Variants in BAIAP2L1 observed in about 807,000 individuals in gnomAD.
The protein encoded by BAIAP2L1 is BAR/IMD domain containing adaptor protein 2 like 1.
In BAIAP2L1, 35 loss-of-function variants were observed where a neutral mutation model predicts 66.3. The observed-to-expected ratio is 0.53, with a 90% CI of 0.40 to 0.70. The LOEUF is 0.70. Ranked by LOEUF, BAIAP2L1 falls within the 30% of genes least tolerant of loss-of-function variation. The pLI, the probability that BAIAP2L1 is intolerant of heterozygous loss-of-function variation, is 0.00. For synonymous variants in BAIAP2L1, 269 were observed against 248.7 expected, an observed-to-expected ratio of 1.08 and a Z score of -0.77; for missense variants, 622 against 656.9, an observed-to-expected ratio of 0.95 and a Z score of 0.58.
intron 1 of BAIAP2L1, among the ~76,000 whole-genome samples, chr7:98,390,376 AATAT>A (rs1200920535): frequency 1.3e-5 from 2 of 152,110 alleles, no homozygotes; most frequent in African/African-American, 2.4e-5. Context: ...ATTAAAACGG[AATAT>A]ATATATTTAT....
At chr7:98,303,066 C>T (rs1800493246) in intron 12 of BAIAP2L1, among the ~76,000 whole-genome samples, 1 of 152,196 alleles carries the variant, frequency 6.6e-6, no homozygotes, top group Non-Finnish European at 1.5e-5. Context: ...ATTACACAGA[C>T]ATGAGCCATT....
At chr7:98,392,870 G>GCAACCTCTGCCTCC (rs1554341785) in intron 1 of BAIAP2L1, among the ~76,000 whole-genome samples, 1 of 150,924 alleles carries the variant, frequency 6.6e-6, no homozygotes, top group Non-Finnish European at 1.5e-5. Context: ...TCAGCTCACT[G>GCAACCTCTGCCTCC]CAACCTCCGC....
intron 3 of BAIAP2L1, among the ~76,000 whole-genome samples, chr7:98,323,826 C>T (rs1801311232): frequency 6.6e-6 from 1 of 152,242 alleles, no homozygotes; most frequent in Non-Finnish European, 1.5e-5. Context: ...GATTAACACA[C>T]ATCTTGGCTG....
chr7:98,322,501 G>A (rs1400506379), intron 3 of BAIAP2L1, among the ~76,000 whole-genome samples: 2 of 152,172 alleles, frequency 1.3e-5, no homozygotes, highest in Non-Finnish European at 1.5e-5. Flanking sequence ...GGGATAGGAG[G>A]CCATCATCGG....
chr7:98,307,435 A>T lies in BAIAP2L1; in HGVS notation c.1163+254T>A, dbSNP rs528821007. 3.7e-6 allele frequency: 5 copies of T among 1,340,784 alleles called. No homozygotes were observed. The African/African-American group carries it at 7.4e-5, about 20-fold the overall frequency. 83.1% of individuals were successfully genotyped at this position (1,340,784 alleles called of 1,614,324 possible). A position where few individuals can be genotyped will look rare whatever the true frequency, so the allele number is the denominator to read the frequency against. On this transcript the variant is annotated intron_variant, in intron 10 of 13. Coordinates refer to ENST00000005260, the MANE Select transcript of BAIAP2L1 (RefSeq NM_018842.5). ...CTAAATTTTTTTTAAAAACAAAAGA[A>T]TGTTTAAACTACTTTCAGACAGGTG...
At chr7:98,296,661 C>T (rs907673515) in intron 12 of BAIAP2L1, among the ~76,000 whole-genome samples, 2 of 152,146 alleles carry the variant, frequency 1.3e-5, no homozygotes, top group African/African-American at 4.8e-5. Flanking sequence ...AAAACAAAAA[C>T]AGAAACAACA....
chr7:98,330,488 T>A (rs1194792428), intron 3 of BAIAP2L1, among the ~76,000 whole-genome samples: 1 of 151,830 alleles, frequency 6.6e-6, no homozygotes, highest in Non-Finnish European at 1.5e-5. Context: ...TGAAACCCTG[T>A]CTCTACTAAA....
At chr7:98,385,704 A>T in intron 1 of BAIAP2L1, 1 of 1,098,174 alleles carries the variant, frequency 9.1e-7, no homozygotes, top group Non-Finnish European at 1.3e-6. Context: ...AGGAGCCCCC[A>T]CACCCAGCCA....
chr7:98,381,834 C>G (rs997108715), intron 1 of BAIAP2L1, among the ~76,000 whole-genome samples: 1 of 151,918 alleles, frequency 6.6e-6, no homozygotes, highest in Non-Finnish European at 1.5e-5. Flanking sequence ...GGATGTCCTA[C>G]AACTGTTCAC....
At chr7:98,337,950 G>A (rs1475472957) in intron 3 of BAIAP2L1, among the ~76,000 whole-genome samples, 1 of 151,930 alleles carries the variant, frequency 6.6e-6, no homozygotes. Flanking sequence ...TGTACAGCTA[G>A]CCTCTTGAGT....
Position 98,292,937 on chromosome 7 carries a change from T to C in BAIAP2L1, c.*584A>G. The C allele has an allele frequency of 1.3e-5, 17 of 1,315,426 alleles. No homozygotes were observed. The highest frequency in any genetic ancestry group is 1.6e-5 in the Non-Finnish European group (17 of 1,032,710). The allele number at this position is 1,315,426 out of a possible 1,614,324, so 81.5% of individuals were successfully genotyped here. On this transcript the variant is annotated 3_prime_UTR_variant, in exon 14 of 14. Coordinates refer to ENST00000005260, the MANE Select transcript of BAIAP2L1 (RefSeq NM_018842.5). ...GGGCAGGCAAAGCGTCTTAGCACTC[T>C]ACAGCTCTGGCGTGGTTGGAGGGAG...
At chr7:98,355,446 A>T in intron 2 of BAIAP2L1, 1 of 312,554 alleles carries the variant, frequency 3.2e-6, no homozygotes, top group Non-Finnish European at 6.3e-6. Context: ...ACGTTGAACT[A>T]GGGCTTTGCC....
At chr7:98,314,421 A>C (rs1433872480) in intron 7 of BAIAP2L1, among the ~76,000 whole-genome samples, 1 of 152,232 alleles carries the variant, frequency 6.6e-6, no homozygotes, top group Non-Finnish European at 1.5e-5. Flanking sequence ...CTATATTGGA[A>C]CACTCTCTAA....
chr7:98,317,605 C>T (rs894020646), intron 5 of BAIAP2L1, among the ~76,000 whole-genome samples: 10 of 151,800 alleles, frequency 6.6e-5, no homozygotes, highest in Non-Finnish European at 1.3e-4. Context: ...CAGTTCACAC[C>T]GTCTGCATGC....
At position 98,315,476 on chromosome 7, in the gene BAIAP2L1, T is replaced by C. The variant is rs144139913; in HGVS notation, c.623A>G (p.His208Arg). The change falls in exon 7 of 14, where the codon CAT (histidine) becomes CGT (arginine). Residue 208 changes from histidine to arginine, a missense_variant. Physicochemically the swap from His to Arg is conservative, Grantham distance 29. Transcript: ENST00000005260. ...CACACCCACCTGTAAGTGATAATAA[T>C]GTATGTGGTTTGCAAAGCCACAGTG... ...DKHCGFANHI[H>R]YYHLQSAELL... is the part of the protein sequence containing the mutation. 118 of 1,495,450 alleles carry C rather than the reference T, an allele frequency of 7.9e-5. No individual in the cohort carries two copies. The highest frequency in any genetic ancestry group is 1.0e-4 in the Non-Finnish European group (116 of 1,117,686). The allele number at this position is 1,495,450 out of a possible 1,614,324, so 92.6% of individuals were successfully genotyped here.
chr7:98,293,600 C>G lies in BAIAP2L1; in HGVS notation c.1461-4G>C. On this transcript the variant is annotated splice_polypyrimidine_tract_variant and splice_region_variant and intron_variant, in intron 13 of 13. Transcript: ENST00000005260. Reference sequence around the variant, plus strand: ...AGTGGCAAAGGGGTTTTCTCCGCTGCAGGGGATAAGAAAAATCTTTCAGAA... The same window carrying G: ...AGTGGCAAAGGGGTTTTCTCCGCTGGAGGGGATAAGAAAAATCTTTCAGAA... 1.2e-6 allele frequency: 2 copies of G among 1,612,822 alleles called. No homozygotes were observed. Among genetic ancestry groups the G allele is most frequent in the Admixed American group, 3.3e-5 (2 of 60,008 alleles).
chr7:98,293,585 G>A lies in BAIAP2L1; in HGVS notation c.1472C>T (p.Pro491Leu), dbSNP rs1192225085. 1.2e-6 allele frequency: 2 copies of A among 1,613,808 alleles called. No homozygotes were observed. Among genetic ancestry groups the A allele is most frequent in the Non-Finnish European group, 1.7e-6 (2 of 1,179,800 alleles). Reference sequence around the variant, plus strand: ...CGGGCGGAGTTTCACAGTGGCAAAGGGGTTTTCTCCGCTGCAGGGGATAAG... The same window carrying A: ...CGGGCGGAGTTTCACAGTGGCAAAGAGGTTTTCTCCGCTGCAGGGGATAAG... ...AKPPFLSGEN[P>L]FATVKLRPTV... Residue 491 changes from proline (P) to leucine (L), a missense_variant, in exon 14 of 14, where the codon CCC becomes CTC. Transcript: ENST00000005260.
intron 3 of BAIAP2L1, among the ~76,000 whole-genome samples, chr7:98,335,341 C>G (rs550076056): frequency 6.6e-6 from 1 of 152,072 alleles, no homozygotes; most frequent in Non-Finnish European, 1.5e-5. Flanking sequence ...TTTCCCTCCA[C>G]CCCCACATAG....
intron 3 of BAIAP2L1, 132 bp from the exon 4 acceptor site, chr7:98,320,430 G>T: frequency 1.5e-6 from 1 of 651,684 alleles, no homozygotes; most frequent in African/African-American, 1.8e-5. Flanking sequence ...CCGCCTCCCG[G>T]GTTCAAACTA....
Sources: allele counts gnomAD v4.1 joint callset (sites outside exome capture counted in the v4.1 genomes callset), GRCh38; gene constraint gnomAD v4.1.1; transcripts MANE v1.5; gene names NCBI Gene and HGNC (gene_info 2026-07-23, HGNC 2026-07-21).